The following HS3ST4 variants were observed in gnomAD, a reference collection of about 807,000 sequenced individuals.
HS3ST4 encodes heparan sulfate-glucosamine 3-sulfotransferase 4, also known as heparan sulfate glucosamine 3-O-sulfotransferase 4.
A neutral mutation model predicts 29.2 loss-of-function variants in HS3ST4; 17 were observed. The observed-to-expected ratio is 0.58, with a 90% CI of 0.40 to 0.87. The LOEUF (loss-of-function observed/expected upper bound fraction) is 0.87. Among genes scored for constraint, HS3ST4 ranks in the 40% least tolerant of loss-of-function variants. The pLI is 0.00. For synonymous variants in HS3ST4, 314 were observed against 285.7 expected (o/e 1.10, Z -1.00); for missense variants, 627 against 634.5 (o/e 0.99, Z 0.13).
intron 1 of HS3ST4, among the ~76,000 whole-genome samples, chr16:25,750,568 T>C (rs1966712577): frequency 6.6e-6 from 1 of 152,184 alleles, no homozygotes; most frequent in Admixed American, 6.5e-5. Flanking sequence ...CTTGAAAAGC[T>C]CAAAGCTCAG....
chr16:25,765,679 G>C (rs1253686599), intron 1 of HS3ST4, among the ~76,000 whole-genome samples: 4 of 152,130 alleles, frequency 2.6e-5, no homozygotes, highest in African/African-American at 9.7e-5. Flanking sequence ...CCAGTCCCAG[G>C]GGAGCACCCT....
In HS3ST4 at chr16:25,873,520, A is replaced by ATCTG. The variant is rs1230524887; in HGVS notation, c.734+180373_734+180376dup. 4.9e-5 allele frequency among the ~76,000 whole-genome samples: 7 copies of ATCTG among 142,560 alleles called. No individual in the cohort carries two copies. The East Asian group carries it at 6.5e-4, about 13-fold the overall frequency. 93.5% of individuals were successfully genotyped at this position (142,560 alleles called of 152,430 possible). On this transcript the variant is annotated intron_variant, in intron 1 of 1. Coordinates refer to ENST00000331351, the MANE Select transcript of HS3ST4 (RefSeq NM_006040.3). The stretch of plus-strand genomic sequence containing the variant: ...TATCTATCTATCTATCTATCTATCT[A>ATCTG]TCTGTCTATCTATCTATCTTTCTCT...
intron 1 of HS3ST4, among the ~76,000 whole-genome samples, chr16:26,105,546 C>T (rs1899042721): frequency 6.6e-6 from 1 of 152,196 alleles, no homozygotes; most frequent in South Asian, 2.1e-4. Flanking sequence ...TGGCCATGCC[C>T]CTCATCCCTA....
chr16:25,987,524 A>G lies in HS3ST4; in HGVS notation c.735-148088A>G, dbSNP rs187628547. Among the ~76,000 whole-genome samples the G allele has an allele frequency of 1.4e-3, 209 of 152,344 alleles. 1 individual carries two copies. Among genetic ancestry groups the G allele is most frequent in the African/African-American group, 4.8e-3 (200 of 41,582 alleles). On this transcript the variant is annotated intron_variant, in intron 1 of 1. Coordinates refer to ENST00000331351, the MANE Select transcript of HS3ST4 (RefSeq NM_006040.3). ...GGCTGGCTGAAGTTTGCATAATTTG[A>G]ACATGGCAGAGATGGGATCCAAACT...
chr16:25,698,863 C>A (rs575417108), intron 1 of HS3ST4, among the ~76,000 whole-genome samples: 1 of 152,144 alleles, frequency 6.6e-6, no homozygotes. Context: ...TATAAATGAG[C>A]GAGGTAGACT....
chr16:25,913,867 G>A (rs1968264218), intron 1 of HS3ST4, among the ~76,000 whole-genome samples: 1 of 150,122 alleles, frequency 6.7e-6, no homozygotes, highest in Non-Finnish European at 1.5e-5. Context: ...GTGTGTGTGG[G>A]GGTGTGTGTG....
In HS3ST4 at chr16:25,950,996, T is replaced by C. The variant is rs141442958; in HGVS notation, c.735-184616T>C. Among the ~76,000 whole-genome samples, 13 of 152,286 alleles carry C rather than the reference T, an allele frequency of 8.5e-5. No individual in the cohort carries two copies. In the East Asian group the frequency reaches 2.5e-3, roughly 29 times the overall value. ...TGGGCACTCCTTGTCCTAAACAGCA[T>C]GTAGACTCCCAGCTGTTTTTGTAGG... On this transcript the variant is annotated intron_variant, in intron 1 of 1. Transcript: ENST00000331351.
intron 1 of HS3ST4, among the ~76,000 whole-genome samples, chr16:25,904,152 A>ATGGATGGC (rs1567268978): frequency 2.8e-5 from 2 of 71,296 alleles, no homozygotes; most frequent in African/African-American, 1.3e-4. Context: ...GGATGGATGG[A>ATGGATGGC]TGAATGGATG....
At chr16:26,094,043 G>A (rs541877296) in intron 1 of HS3ST4, among the ~76,000 whole-genome samples, 16 of 152,290 alleles carry the variant, frequency 1.1e-4, no homozygotes, top group African/African-American at 3.6e-4. Context: ...ATGAAATAAA[G>A]TGAGAGGACA....
At chr16:25,914,182 G>GGT (rs1472608855) in intron 1 of HS3ST4, among the ~76,000 whole-genome samples, 1 of 144,552 alleles carries the variant, frequency 6.9e-6, no homozygotes, top group African/African-American at 2.6e-5. Flanking sequence ...TGGAGGGTAT[G>GGT]GTGTGTGTGT....
intron 1 of HS3ST4, among the ~76,000 whole-genome samples, chr16:26,049,297 G>T (rs544456434): frequency 1.3e-5 from 2 of 150,618 alleles, no homozygotes; most frequent in East Asian, 2.0e-4. Flanking sequence ...GCAAGGTGAG[G>T]GGGGAGGAAA....
chr16:25,913,249 T>C (rs775045813), intron 1 of HS3ST4, among the ~76,000 whole-genome samples: 1 of 152,256 alleles, frequency 6.6e-6, no homozygotes. Flanking sequence ...GAAACTCATG[T>C]GCTGAAACCT....
At chr16:25,700,155 A>T (rs572758904) in intron 1 of HS3ST4, among the ~76,000 whole-genome samples, 8 of 152,362 alleles carry the variant, frequency 5.3e-5, no homozygotes, top group African/African-American at 1.9e-4. Context: ...TCAGAACCGG[A>T]TTCCAGAATT....
At chr16:25,700,683 C>T (rs1009845391) in intron 1 of HS3ST4, among the ~76,000 whole-genome samples, 18 of 152,266 alleles carry the variant, frequency 1.2e-4, no homozygotes, top group East Asian at 7.7e-4. Context: ...ACCACCGCCC[C>T]GTTCAAGTAA....
chr16:25,821,923 G>A (rs1407209617), intron 1 of HS3ST4, among the ~76,000 whole-genome samples: 1 of 152,114 alleles, frequency 6.6e-6, no homozygotes, highest in Non-Finnish European at 1.5e-5. Flanking sequence ...TTCTCTTCTT[G>A]GCAGTCACAG....
chr16:25,878,565 T>C (rs1325171536), intron 1 of HS3ST4, among the ~76,000 whole-genome samples: 2 of 152,124 alleles, frequency 1.3e-5, no homozygotes, highest in Non-Finnish European at 2.9e-5. Context: ...CGCTATGGAC[T>C]AGTATTGAGC....
chr16:25,968,085 A>T (rs1968861239), intron 1 of HS3ST4, among the ~76,000 whole-genome samples: 1 of 151,890 alleles, frequency 6.6e-6, no homozygotes, highest in Admixed American at 6.6e-5. Context: ...CAGGGGAGGG[A>T]AGGGAGAGGG....
At chr16:25,916,096 C>T (rs1471027600) in intron 1 of HS3ST4, among the ~76,000 whole-genome samples, 2 of 152,162 alleles carry the variant, frequency 1.3e-5, no homozygotes, top group African/African-American at 4.8e-5. Context: ...TACCAGACAA[C>T]CACAGAACTC....
intron 1 of HS3ST4, among the ~76,000 whole-genome samples, chr16:25,946,378 A>C (rs550291510): frequency 6.6e-6 from 1 of 152,346 alleles, no homozygotes; most frequent in South Asian, 2.1e-4. Flanking sequence ...GTCTTGGCAA[A>C]GTCTCAGAGA....
Sources: gnomAD v4.1 joint callset for allele counts (sites outside exome capture counted in the v4.1 genomes callset) on GRCh38, gnomAD v4.1.1 for gene constraint, MANE v1.5 for transcripts, NCBI Gene and HGNC (gene_info 2026-07-23, HGNC 2026-07-21) for gene names.